VCAM1: variants seen among roughly 807,000 people sequenced by gnomAD.
VCAM1 encodes vascular cell adhesion protein 1.
In VCAM1, 41 loss-of-function variants were observed where a neutral mutation model predicts 63.8. The ratio of observed to expected loss-of-function variants is 0.64; its 90% CI spans 0.50 to 0.83. The LOEUF is 0.83. VCAM1 is among the 40% of genes least tolerant of loss of function. The pLI, the probability that VCAM1 is intolerant of heterozygous loss-of-function variation, is 0.00. For missense variants in VCAM1, 798 were observed against 875.5 expected, an observed-to-expected ratio of 0.91 and a Z score of 1.12; for synonymous variants, 338 against 320.7, an observed-to-expected ratio of 1.05 and a Z score of -0.58.
In VCAM1 at chr1:100,731,291, T is replaced by C. The variant is rs1247408894; in HGVS notation, c.1298T>C (p.Leu433Pro). The change falls in exon 6 of 9, where the codon CTT becomes CCT. Residue 433 changes from leucine (L) to proline (P), a missense_variant. By Grantham distance (98) the Leu-to-Pro change is moderately conservative (BLOSUM62 -3). Coordinates refer to ENST00000294728, the MANE Select transcript of VCAM1 (RefSeq NM_001078.4). This position sits in a 1 kb window ranked among gnomAD's most constrained non-coding sequence, Gnocchi z 4.2. The part of the protein sequence containing the change: ...VSCKVPSVYP[L>P]DRLEIELLKG... Reference sequence around the variant, plus strand: ...TGCAAGGTTCCTAGCGTGTACCCCCTTGACCGGCTGGAGATTGAATTACTT... The same window carrying C: ...TGCAAGGTTCCTAGCGTGTACCCCCCTGACCGGCTGGAGATTGAATTACTT... 11 of 1,613,724 alleles carry C rather than the reference T, an allele frequency of 6.8e-6. No individual in the cohort carries two copies. The highest frequency in any genetic ancestry group is 5.3e-5 in the African/African-American group (4 of 74,896).
chr1:100,729,279 G>A lies in VCAM1; in HGVS notation c.1101G>A (p.Thr367=), dbSNP rs556744837. The A allele has an allele frequency of 1.6e-4, 253 of 1,613,414 alleles. No individual in the cohort carries two copies. Among genetic ancestry groups the A allele is most frequent in the Non-Finnish European group, 2.1e-4 (249 of 1,179,702 alleles). The change falls in exon 5 of 9, where the codon ACG becomes ACA. Residue 367 remains threonine, a synonymous_variant. Transcript: ENST00000294728. ...TGAGGAGTGAGGGGACCAATTCCAC[G>A]CTGACCCTGAGCCCTGTGAGTTTTG... ...GKVRSEGTNS[T]LTLSPVSFEN...
intron 2 of VCAM1, 129 bp downstream of exon 2, chr1:100,720,880 A>G: frequency 8.6e-7 from 1 of 1,164,546 alleles, no homozygotes; most frequent in Non-Finnish European, 1.2e-6. Context: ...AACATACAAC[A>G]TCAGGAAAGC....
rs2100825521 is a variant in VCAM1, at chr1:100,724,694, G to A, written c.732G>A (p.Met244Ile). ...TGCAAGAAGGTGGCTCTGTGACCAT[G>A]ACCTGTTCCAGCGAGGGTCTACCAG... ...TKLQEGGSVT[M>I]TCSSEGLPAP... Residue 244 changes from methionine to isoleucine, a missense_variant, in exon 4 of 9, where the codon ATG becomes ATA. Physicochemically the swap from Met to Ile is conservative, Grantham distance 10 (BLOSUM62 1). Transcript: ENST00000294728. 4.3e-6 allele frequency: 7 copies of A among 1,613,090 alleles called. No individual in the cohort carries two copies. Among genetic ancestry groups the A allele is most frequent in the Non-Finnish European group, 5.1e-6 (6 of 1,179,444 alleles).
intron 7 of VCAM1, among the ~76,000 whole-genome samples, chr1:100,733,425 T>C (rs532532903): frequency 2.2e-4 from 34 of 152,290 alleles, no homozygotes; most frequent in African/African-American, 8.2e-4. Context: ...AAGATATTAG[T>C]GACTTTCTTG....
Position 100,731,273 on chromosome 1 carries a change from T to C in VCAM1, c.1280T>C (p.Val427Ala). ...NGSSVTVSCK[V>A]PSVYPLDRLE... Reference sequence around the variant, plus strand: ...AGCTCTGTCACTGTAAGCTGCAAGGTTCCTAGCGTGTACCCCCTTGACCGG... The same window carrying C: ...AGCTCTGTCACTGTAAGCTGCAAGGCTCCTAGCGTGTACCCCCTTGACCGG... Residue 427 changes from valine (V) to alanine (A), a missense_variant, in exon 6 of 9, where the codon GTT becomes GCT. Physicochemically the swap from Val to Ala is moderately conservative, Grantham distance 64. Transcript: ENST00000294728. The surrounding 1 kb of genome is among the most constrained non-coding windows in gnomAD (Gnocchi z 4.2). 6.2e-7 allele frequency: 1 copy of C among 1,613,778 alleles called. No homozygotes were observed. The highest frequency in any genetic ancestry group is 8.5e-7 in the Non-Finnish European group (1 of 1,179,824).
intron 4 of VCAM1, 80 bp downstream of exon 4, chr1:100,724,970 A>T: frequency 6.5e-7 from 1 of 1,540,452 alleles, no homozygotes; most frequent in South Asian, 1.3e-5. Flanking sequence ...TCAATGCTGA[A>T]ATTGCTTCCC....
intron 4 of VCAM1, among the ~76,000 whole-genome samples, chr1:100,727,938 G>A (rs1660234668): frequency 6.6e-6 from 1 of 152,020 alleles, no homozygotes; most frequent in African/African-American, 2.4e-5. Context: ...AATATAATAT[G>A]TTTGGATTAT....
At chr1:100,722,800 A>G (rs1660000055) in intron 2 of VCAM1, among the ~76,000 whole-genome samples, 1 of 152,086 alleles carries the variant, frequency 6.6e-6, no homozygotes, top group African/African-American at 2.4e-5. Flanking sequence ...AACTCTTAAT[A>G]TATACAGGAT....
rs2100832073 is a variant in VCAM1 at position 100,731,554 on chromosome 1, C to T, written c.1525+36C>T. 6.4e-7 allele frequency: 1 copy of T among 1,554,692 alleles called. No individual in the cohort carries two copies. The highest frequency in any genetic ancestry group is 2.3e-5 in the East Asian group (1 of 44,264). On this transcript the variant is annotated intron_variant, in intron 6 of 8. Transcript: ENST00000294728. The surrounding 1 kb of genome is among the most constrained non-coding windows in gnomAD (Gnocchi z 4.2). ...ATGTGAGGTATCTACAGTTTAATAC[C>T]TGTCTCTTTATCGTGTTTGCCAGGC...
chr1:100,727,078 T>TGTGTGTGTGTGTGA (rs748939317), intron 4 of VCAM1, among the ~76,000 whole-genome samples: 4 of 148,550 alleles, frequency 2.7e-5, no homozygotes, highest in African/African-American at 9.8e-5. Context: ...TGTGTGTGTG[T>TGTGTGTGTGTGTGA]GAATGTTTGG....
chr1:100,724,207 A>T (rs925528245), intron 3 of VCAM1, among the ~76,000 whole-genome samples: 1 of 152,064 alleles, frequency 6.6e-6, no homozygotes, highest in African/African-American at 2.4e-5. Context: ...TAGAGAGAAG[A>T]TTTCAGCTCA....
rs144755706 is a variant in VCAM1, at chr1:100,733,107, A to G, written c.1792+423A>G. 9.4e-4 allele frequency among the ~76,000 whole-genome samples: 143 copies of G among 152,320 alleles called. 1 individual carries two copies. The highest frequency in any genetic ancestry group is 1.7e-3 in the Non-Finnish European group (114 of 68,016). ...TATTTGCTTAGAAGCCTAAGCTGGC[A>G]CTTAAGTCTTTTGCAAATTCTGAGA... On this transcript the variant is annotated intron_variant, in intron 7 of 8. Transcript: ENST00000294728.
intron 3 of VCAM1, among the ~76,000 whole-genome samples, chr1:100,724,025 C>A (rs1360484706): frequency 6.6e-6 from 1 of 151,866 alleles, no homozygotes; most frequent in Non-Finnish European, 1.5e-5. Context: ...AGGCTTTTAA[C>A]AATATTTTGA....
At chr1:100,722,148 C>T (rs1187656030) in intron 2 of VCAM1, among the ~76,000 whole-genome samples, 1 of 152,004 alleles carries the variant, frequency 6.6e-6, no homozygotes, top group Non-Finnish European at 1.5e-5. Context: ...GTTTTGAATC[C>T]ACCAATATGT....
rs937228921 is a variant in VCAM1, at chr1:100,731,517, T to G, written c.1524T>G (p.Asn508Lys). The G allele has an allele frequency of 6.2e-7, 1 of 1,611,618 alleles. No homozygotes were observed. The highest frequency in any genetic ancestry group is 2.2e-5 in the East Asian group (1 of 44,858). Residue 508 changes from asparagine to lysine, a missense_variant and splice_region_variant, in exon 6 of 9, where the codon AAT (asparagine) becomes AAG (lysine). Physicochemically the swap from Asn to Lys is moderately conservative, Grantham distance 94. Transcript: ENST00000294728. This position sits in a 1 kb window ranked among gnomAD's most constrained non-coding sequence, Gnocchi z 4.2. Reference protein sequence around the residue: ...QRQSTQTLYVNVAPRDTTVLV... With the variant: ...QRQSTQTLYVKVAPRDTTVLV... Reference sequence around the variant, plus strand: ...AGAGTACGCAAACACTTTATGTCAATGGTAAGTACATATGTGAGGTATCTA... The same window carrying G: ...AGAGTACGCAAACACTTTATGTCAAGGGTAAGTACATATGTGAGGTATCTA...
intron 7 of VCAM1, among the ~76,000 whole-genome samples, chr1:100,733,562 G>A (rs963257731): frequency 6.6e-6 from 1 of 152,252 alleles, no homozygotes; most frequent in East Asian, 1.9e-4. Context: ...GATGGGGAAA[G>A]AATTTCAAAT....
chr1:100,724,926 T>G, intron 4 of VCAM1, 36 bp downstream of exon 4: 1 of 1,602,152 alleles, frequency 6.2e-7, no homozygotes, highest in Non-Finnish European at 8.5e-7. Context: ...ATAAAGGTGC[T>G]GTCAGTGGGA....
Position 100,732,649 on chromosome 1 carries a change from G to A in VCAM1, c.1757G>A (p.Gly586Glu), listed in dbSNP as rs368917883. ...VYLCEGINQAGRSRKEVELII... is the reference protein window; with the variant it reads ...VYLCEGINQAERSRKEVELII... ...TTATGTGAAGGAATTAACCAGGCTGGAAGAAGCAGAAAGGAAGTGGAATTA... is the reference window on the plus strand; with the variant it reads ...TTATGTGAAGGAATTAACCAGGCTGAAAGAAGCAGAAAGGAAGTGGAATTA... The change falls in exon 7 of 9, where the codon GGA (glycine) becomes GAA (glutamate). Residue 586 changes from glycine (G) to glutamate (E), a missense_variant. Physicochemically the swap from Gly to Glu is moderately conservative, Grantham distance 98. Transcript: ENST00000294728. 3.1e-5 allele frequency: 50 copies of A among 1,605,210 alleles called. No homozygotes were observed. The highest frequency in any genetic ancestry group is 1.7e-5 in the Admixed American group (1 of 58,162).
chr1:100,734,131 G>A (rs1208640476), intron 7 of VCAM1, among the ~76,000 whole-genome samples: 1 of 152,092 alleles, frequency 6.6e-6, no homozygotes, highest in Non-Finnish European at 1.5e-5. Flanking sequence ...ACAGCATGGG[G>A]GAAACAGCCC....
Sources: allele counts gnomAD v4.1 joint callset (sites outside exome capture counted in the v4.1 genomes callset), GRCh38; gene constraint gnomAD v4.1.1; non-coding constraint Gnocchi (gnomAD v3.1); transcripts MANE v1.5; gene names NCBI Gene and HGNC (gene_info 2026-07-23, HGNC 2026-07-21).